The following NBPF3 variants were observed in gnomAD, a reference collection of about 807,000 sequenced individuals.
The protein encoded by NBPF3 is NBPF family member NBPF3.
NBPF3 carries 57 observed loss-of-function variants against 78.1 expected under a neutral mutation model. That is an observed-to-expected ratio of 0.73 (90% CI 0.59 to 0.91). The LOEUF (loss-of-function observed/expected upper bound fraction) is 0.91. Among genes scored for constraint, NBPF3 ranks in the 40% least tolerant of loss-of-function variants. The pLI, the probability that NBPF3 is intolerant of heterozygous loss-of-function variation, is 0.00. For missense variants in NBPF3, 510 were observed against 715.3 expected (o/e 0.71, Z 3.27); for synonymous variants, 182 against 271.7 (o/e 0.67, Z 3.25).
At chr1:21,483,035 T>A (rs1643305467) in intron 14 of NBPF3, 108 bp from the exon 15 acceptor site, 6 of 1,260,822 alleles carry the variant, frequency 4.8e-6, no homozygotes, top group Non-Finnish European at 4.4e-6. Context: ...AATGGAACTA[T>A]CCTTTTCCTT....
intron 5 of NBPF3, among the ~76,000 whole-genome samples, chr1:21,472,421 T>C (rs1570066433): frequency 1.3e-5 from 2 of 152,212 alleles, no homozygotes; most frequent in South Asian, 2.1e-4. Context: ...ATGGAGGGCC[T>C]GTGCAGTCTC....
At chr1:21,458,779 G>C (rs1481415348) in intron 2 of NBPF3, among the ~76,000 whole-genome samples, 2 of 152,194 alleles carry the variant, frequency 1.3e-5, no homozygotes, top group African/African-American at 2.4e-5. Context: ...AACTGCAAAG[G>C]GGTACAAGAA....
intron 2 of NBPF3, chr1:21,449,873 GA>G: frequency 1.5e-6 from 1 of 669,072 alleles, no homozygotes; most frequent in Non-Finnish European, 1.8e-6. Context: ...CAAGGGCTCT[GA>G]AACAGCCACA....
intron 1 of NBPF3, among the ~76,000 whole-genome samples, chr1:21,443,623 T>C (rs1341651468): frequency 6.6e-6 from 1 of 152,134 alleles, no homozygotes; most frequent in Non-Finnish European, 1.5e-5. Flanking sequence ...TAATTTTTTT[T>C]TTTTTCTTGA....
intron 2 of NBPF3, among the ~76,000 whole-genome samples, chr1:21,462,057 T>G (rs1641978946): frequency 6.6e-6 from 1 of 152,186 alleles, no homozygotes; most frequent in African/African-American, 2.4e-5. Flanking sequence ...TCTCGCCATA[T>G]GATCTCTGCA....
chr1:21,468,759 G>A lies in NBPF3; in HGVS notation c.205G>A (p.Ala69Thr). The change falls in exon 3 of 15, where the codon GCA (alanine) becomes ACA (threonine). Residue 69 changes from alanine (A) to threonine (T), a missense_variant. Around this residue, in one of 5 missense-constraint regions of NBPF3, gnomAD observed 440 missense variants for 478.2 expected, o/e 0.92. Coordinates refer to ENST00000318249, the MANE Select transcript of NBPF3 (RefSeq NM_032264.6). Reference protein sequence around the residue: ...VSAGPWSGEKAEMNILEINKK... With the variant: ...VSAGPWSGEKTEMNILEINKK... ...TGCCGGCCCTTGGTCCGGTGAGAAG[G>A]CAGAGATGAACATTCTAGAAATCAA... The A allele has an allele frequency of 6.2e-7, 1 of 1,613,842 alleles. No individual in the cohort carries two copies. Among genetic ancestry groups the A allele is most frequent in the African/African-American group, 1.3e-5 (1 of 75,036 alleles).
chr1:21,452,439 G>GA (rs1641364592), intron 2 of NBPF3, among the ~76,000 whole-genome samples: 1 of 152,200 alleles, frequency 6.6e-6, no homozygotes, highest in Non-Finnish European at 1.5e-5. Context: ...CAGAATATCA[G>GA]AGCCAGAGGA....
chr1:21,476,033 T>G lies in NBPF3; in HGVS notation c.992+1082T>G, dbSNP rs1445739415. Among the ~76,000 whole-genome samples the G allele has an allele frequency of 6.6e-6, 1 of 152,218 alleles. No homozygotes were observed. The highest frequency in any genetic ancestry group is 1.5e-5 in the Non-Finnish European group (1 of 68,038). On this transcript the variant is annotated intron_variant, in intron 8 of 14. Coordinates refer to ENST00000318249, the MANE Select transcript of NBPF3 (RefSeq NM_032264.6). The surrounding 1 kb of genome is among the most constrained non-coding windows in gnomAD (Gnocchi z 4.1). ...TCCCTTTGCAATTATGTAATGGCCT[T>G]CTTTGTCTCTTTTGATCTTTCTTGG...
At chr1:21,458,365 C>CT (rs35837630) in intron 2 of NBPF3, among the ~76,000 whole-genome samples, 2,542 of 131,922 alleles carry the variant, frequency 0.019, 65 homozygotes, top group Admixed American at 0.049. Flanking sequence ...AGGGCATGGG[C>CT]TTTTTTTTTT....
intron 2 of NBPF3, chr1:21,459,775 TG>T (rs1400626105): frequency 1.6e-5 from 5 of 318,426 alleles, no homozygotes; most frequent in African/African-American, 1.1e-4. Flanking sequence ...GCAATCATGG[TG>T]ACAGTGACAT....
At position 21,484,496 on chromosome 1, in the gene NBPF3, CT is replaced by C. The variant is rs1643374357; in HGVS notation, c.*1111del. 1 of 92,500 alleles carries C rather than the reference CT, an allele frequency of 1.1e-5. No homozygotes were observed. The highest frequency in any genetic ancestry group is 2.4e-5 in the Non-Finnish European group (1 of 42,080). 5.7% of individuals were successfully genotyped at this position (92,500 alleles called of 1,614,324 possible). A position where few individuals can be genotyped will look rare whatever the true frequency, so the allele number is the denominator to read the frequency against. On this transcript the variant is annotated 3_prime_UTR_variant, in exon 15 of 15. Coordinates refer to ENST00000318249, the MANE Select transcript of NBPF3 (RefSeq NM_032264.6). Reference sequence around the variant, plus strand: ...CATCAAGAACACTACAGAGTCGATACTGTGAGTTTCCAACCTCAGCCCATCT... The same window carrying C: ...CATCAAGAACACTACAGAGTCGATACGTGAGTTTCCAACCTCAGCCCATCT...
intron 5 of NBPF3, among the ~76,000 whole-genome samples, chr1:21,472,521 C>T (rs7547671): frequency 0.27 from 41,032 of 152,088 alleles, 5,912 homozygotes; most frequent in South Asian, 0.42. Flanking sequence ...ACACCAAGCC[C>T]GTGCCTGGGA....
In NBPF3 at chr1:21,471,802, C is replaced by G; in HGVS notation, c.661+19C>G. ...AGCCCAGGTGAGGTGGCCATAGGCC[C>G]TGATGACCCAAAACCCCAGGCTTAT... On this transcript the variant is annotated intron_variant, in intron 5 of 14. Transcript: ENST00000318249. 1 of 1,611,944 alleles carries G rather than the reference C, an allele frequency of 6.2e-7. No homozygotes were observed. The highest frequency in any genetic ancestry group is 8.5e-7 in the Non-Finnish European group (1 of 1,179,472).
intron 1 of NBPF3, among the ~76,000 whole-genome samples, chr1:21,444,024 G>A (rs534891872): frequency 6.6e-6 from 1 of 152,266 alleles, no homozygotes; most frequent in Admixed American, 6.5e-5. Flanking sequence ...GATTTTGTAT[G>A]TGTTCAATCT....
At chr1:21,482,092 T>C (rs1312034293) in intron 13 of NBPF3, among the ~76,000 whole-genome samples, 2 of 150,632 alleles carry the variant, frequency 1.3e-5, no homozygotes, top group African/African-American at 4.9e-5. Flanking sequence ...TTTCTCACTC[T>C]AATTTCAGTG....
In NBPF3 at chr1:21,445,017, T is replaced by C. The variant is rs1640880796; in HGVS notation, c.-70T>C. 6.6e-7 allele frequency: 1 copy of C among 1,523,520 alleles called. No homozygotes were observed. The allele number at this position is 1,523,520 out of a possible 1,614,324, so 94.4% of individuals were successfully genotyped here. A position where few individuals can be genotyped will look rare whatever the true frequency, so the allele number is the denominator to read the frequency against. On this transcript the variant is annotated 5_prime_UTR_variant, in exon 2 of 15. Transcript: ENST00000318249. ...GGTGACCCAGGCTCTCACCAGCCAA[T>C]TGTCCCTTGCCGTCCTCCTGAGGGT...
chr1:21,438,307 T>G (rs1455077331), upstream of NBPF3, among the ~76,000 whole-genome samples: 1 of 151,796 alleles, frequency 6.6e-6, no homozygotes, highest in African/African-American at 2.4e-5. Flanking sequence ...GAGACGGGGG[T>G]TTCACCATGT....
At position 21,478,255 on chromosome 1, in the gene NBPF3, C is replaced by T; in HGVS notation, c.1104C>T (p.Ser368=). The T allele has an allele frequency of 6.2e-7, 1 of 1,614,182 alleles. No homozygotes were observed. Among genetic ancestry groups the T allele is most frequent in the Non-Finnish European group, 8.5e-7 (1 of 1,180,044 alleles). The change falls in exon 9 of 15, where the codon AGC becomes AGT. Residue 368 remains serine (S), a synonymous_variant. Transcript: ENST00000318249. ...CTGCCTCATACCAGTCTGACAGGAG[C>T]ACCTTTCACTCAGTAGAGGAACAGC... The part of the protein sequence containing the change: ...DMSASYQSDR[S]TFHSVEEQQV...
intron 2 of NBPF3, among the ~76,000 whole-genome samples, chr1:21,446,740 G>A (rs886627923): frequency 7.9e-5 from 12 of 151,878 alleles, no homozygotes; most frequent in Non-Finnish European, 1.2e-4. Context: ...TGCAGGCAGA[G>A]AGCTCATCCA....
Sources: allele counts gnomAD v4.1 joint callset (sites outside exome capture counted in the v4.1 genomes callset), GRCh38; gene constraint gnomAD v4.1.1; regional missense constraint gnomAD v4.1.1; non-coding constraint Gnocchi (gnomAD v3.1); transcripts MANE v1.5; gene names NCBI Gene and HGNC (gene_info 2026-07-23, HGNC 2026-07-21).